The following TG variants were observed in gnomAD, a reference collection of about 807,000 sequenced individuals.
TG encodes the protein thyroglobulin, also known as thyroid hormones.
A neutral mutation model predicts 324.7 loss-of-function variants in TG; 270 were observed. That is an observed-to-expected ratio of 0.83 (90% CI 0.75 to 0.92). The LOEUF is 0.92. TG is among the 40% of genes least tolerant of loss of function. The pLI is 0.00. For synonymous variants in TG, 1,401 were observed against 1,327.0 expected (o/e 1.06, Z -1.21); for missense variants, 3,591 against 3,456.4 (o/e 1.04, Z -0.98).
chr8:133,134,725 G>C lies in TG; in HGVS notation c.8238G>C (p.Thr2746=). Residue 2746 remains threonine, a synonymous_variant, in exon 48 of 48, where the codon ACG becomes ACC. Coordinates refer to ENST00000220616, the MANE Select transcript of TG (RefSeq NM_003235.5). ...CAGAGAGTGAAGAGGAGGAGTTGAC[G>C]GCTGGATCTGGGCTAAGAGAAGATC... ...QSAESEEEEL[T]AGSGLREDLL... 6.2e-7 allele frequency: 1 copy of C among 1,614,042 alleles called. No homozygotes were observed. The highest frequency in any genetic ancestry group is 8.5e-7 in the Non-Finnish European group (1 of 1,179,974).
At chr8:132,882,697 G>A in intron 7 of TG, 85 bp downstream of exon 7, 1 of 1,611,748 alleles carries the variant, frequency 6.2e-7, no homozygotes. Flanking sequence ...GTGTGTGGCT[G>A]CTCCACCAAA....
chr8:132,892,769 G>A (rs1309493320), intron 10 of TG, among the ~76,000 whole-genome samples: 1 of 151,316 alleles, frequency 6.6e-6, no homozygotes, highest in Non-Finnish European at 1.5e-5. Context: ...TGTGTGGTAT[G>A]TGCATAGGTG....
intron 35 of TG, chr8:133,003,377 A>G (rs1833725365): frequency 6.6e-6 from 1 of 152,182 alleles, no homozygotes; most frequent in Admixed American, 6.5e-5. Context: ...TGCTTAAATC[A>G]ATCAAATGAA....
chr8:133,122,487 C>G (rs1851218602), intron 45 of TG, among the ~76,000 whole-genome samples: 1 of 152,216 alleles, frequency 6.6e-6, no homozygotes, highest in African/African-American at 2.4e-5. Context: ...TCCCTGCCCT[C>G]TCTCCAGCTT....
At chr8:132,925,244 AC>A (rs1413182600) in intron 22 of TG, among the ~76,000 whole-genome samples, 1 of 152,188 alleles carries the variant, frequency 6.6e-6, no homozygotes, top group Non-Finnish European at 1.5e-5. Flanking sequence ...GATAGAATAT[AC>A]CTAGAATTTG....
At chr8:132,951,224 C>T (rs2130133385) in intron 27 of TG, among the ~76,000 whole-genome samples, 1 of 152,226 alleles carries the variant, frequency 6.6e-6, no homozygotes, top group African/African-American at 2.4e-5. Flanking sequence ...GGATTACCAC[C>T]ATTGAGCTAT....
chr8:132,981,511 G>A (rs1272171029), intron 34 of TG, among the ~76,000 whole-genome samples: 3 of 152,214 alleles, frequency 2.0e-5, no homozygotes, highest in African/African-American at 7.2e-5. Context: ...TTAAACAAGT[G>A]ACAACAGGGT....
At chr8:132,933,350 TTG>T (rs1188930588) in intron 23 of TG, among the ~76,000 whole-genome samples, 5 of 5,438 alleles carry the variant, frequency 9.2e-4, no homozygotes, top group African/African-American at 2.0e-3. Context: ...TTGTGTGTCT[TTG>T]TGTGTTTGGA....
chr8:132,983,744 G>A, intron 35 of TG: 1 of 418,770 alleles, frequency 2.4e-6, no homozygotes, highest in Non-Finnish European at 4.5e-6. Flanking sequence ...CAATCCGGAG[G>A]CAATGTCAAG....
At chr8:133,096,881 A>T (rs1402128056) in intron 43 of TG, among the ~76,000 whole-genome samples, 1 of 152,232 alleles carries the variant, frequency 6.6e-6, no homozygotes. Context: ...TGCTGGAGGC[A>T]CAGTGAAGTG....
intron 43 of TG, among the ~76,000 whole-genome samples, chr8:133,104,924 A>G (rs989195541): frequency 6.6e-6 from 1 of 152,218 alleles, no homozygotes; most frequent in Non-Finnish European, 1.5e-5. Flanking sequence ...GCTCTGCTCC[A>G]TGACAGGAAT....
intron 16 of TG, among the ~76,000 whole-genome samples, chr8:132,905,724 A>G (rs1234469726): frequency 2.6e-5 from 4 of 152,196 alleles, no homozygotes; most frequent in Non-Finnish European, 5.9e-5. Flanking sequence ...GGTGACCAGC[A>G]TGCCACTGAT....
At chr8:132,938,063 C>T (rs908078867) in intron 25 of TG, among the ~76,000 whole-genome samples, 5 of 152,264 alleles carry the variant, frequency 3.3e-5, no homozygotes, top group Admixed American at 3.3e-4. Flanking sequence ...GGCTCTGTCT[C>T]TGATCAGGAA....
intron 25 of TG, among the ~76,000 whole-genome samples, chr8:132,938,516 T>C (rs1823942365): frequency 6.6e-6 from 1 of 152,224 alleles, no homozygotes; most frequent in South Asian, 2.1e-4. Context: ...CCTGCTTCAT[T>C]GTCTAGGCTT....
intron 8 of TG, 117 bp from the exon 9 acceptor site, chr8:132,886,331 C>A: frequency 7.2e-7 from 1 of 1,396,398 alleles, no homozygotes; most frequent in Non-Finnish European, 1.0e-6. Context: ...TGGTTTCAAA[C>A]GTAGGTGTCC....
chr8:133,094,931 A>G, intron 41 of TG, 113 bp from the exon 42 acceptor site: 1 of 1,448,496 alleles, frequency 6.9e-7, no homozygotes, highest in Non-Finnish European at 9.7e-7. Flanking sequence ...GGGTCCTGGG[A>G]CTCCCAAGCT....
intron 41 of TG, among the ~76,000 whole-genome samples, chr8:133,073,747 C>T (rs1564154772): frequency 6.6e-6 from 1 of 152,066 alleles, no homozygotes; most frequent in Non-Finnish European, 1.5e-5. Flanking sequence ...ACACAGGCCT[C>T]AGCTCTGCAT....
In TG at chr8:132,888,182, A is replaced by C. The variant is rs751652101; in HGVS notation, c.2375A>C (p.Asn792Thr). ...FELYQRWEAQ[N>T]KGQDLTPAKL... ...TTGTACCAACGATGGGAGGCTCAGA[A>C]CAAGGGCCAGGATCTGACGCCTGCC... is the stretch of plus-strand genomic sequence containing the variant. The change falls in exon 10 of 48, where the codon AAC becomes ACC. Residue 792 changes from asparagine (N) to threonine (T), a missense_variant. By Grantham distance (65) the Asn-to-Thr change is moderately conservative. Coordinates refer to ENST00000220616, the MANE Select transcript of TG (RefSeq NM_003235.5). The C allele has an allele frequency of 6.2e-7, 1 of 1,614,206 alleles. No individual in the cohort carries two copies. Among genetic ancestry groups the C allele is most frequent in the Non-Finnish European group, 8.5e-7 (1 of 1,180,026 alleles).
chr8:133,026,865 A>C (rs115215976), intron 40 of TG, among the ~76,000 whole-genome samples: 15 of 152,354 alleles, frequency 9.8e-5, no homozygotes, highest in African/African-American at 3.4e-4. Flanking sequence ...GTTAGAACCT[A>C]CACTTGTTCT....
Sources: gnomAD v4.1 joint callset for allele counts (sites outside exome capture counted in the v4.1 genomes callset) on GRCh38, gnomAD v4.1.1 for gene constraint, MANE v1.5 for transcripts, NCBI Gene and HGNC (gene_info 2026-07-23, HGNC 2026-07-21) for gene names.